The following NME7 variants were observed in gnomAD, a reference collection of about 807,000 sequenced individuals.
NME7 encodes nucleoside diphosphate kinase 7.
NME7 carries 41 observed loss-of-function variants against 49.1 expected under a neutral mutation model. The observed-to-expected ratio is 0.83, with a 90% CI of 0.65 to 1.08. The LOEUF (loss-of-function observed/expected upper bound fraction) is 1.08. NME7 is among the 50% of genes least tolerant of loss of function. The pLI, the probability that NME7 is intolerant of heterozygous loss-of-function variation, is 0.00. For missense variants in NME7, 423 were observed against 463.4 expected (o/e 0.91, Z 0.80); for synonymous variants, 139 against 150.6 (o/e 0.92, Z 0.56).
At chr1:169,332,866 T>C (rs1652310800) in intron 1 of NME7, among the ~76,000 whole-genome samples, 1 of 152,168 alleles carries the variant, frequency 6.6e-6, no homozygotes, top group African/African-American at 2.4e-5. Context: ...TTGTACACTG[T>C]TGTTAGGAAT....
chr1:169,250,772 T>G (rs901698263), intron 7 of NME7, among the ~76,000 whole-genome samples: 7 of 152,102 alleles, frequency 4.6e-5, no homozygotes, highest in Non-Finnish European at 8.8e-5. Context: ...TTCTATGTAT[T>G]TGTATAGTTT....
At position 169,268,237 on chromosome 1, in the gene NME7, G is replaced by T. The variant is rs148001455; in HGVS notation, c.754+19066C>A. 3.2e-3 allele frequency among the ~76,000 whole-genome samples: 430 copies of T among 133,870 alleles called. 46 individuals carry two copies. The highest frequency in any genetic ancestry group is 0.01 in the African/African-American group (412 of 39,624). The allele number at this position is 133,870 out of a possible 152,430, so 87.8% of individuals were successfully genotyped here. ...GAAATGCAAATCAAAACCACAGTGA[G>T]ATACCATCTCACACCAGTCAGAATG... On this transcript the variant is annotated intron_variant, in intron 7 of 11. Coordinates refer to ENST00000367811, the MANE Select transcript of NME7 (RefSeq NM_013330.5).
chr1:169,204,384 TTAAG>T (rs1660622500), intron 10 of NME7, among the ~76,000 whole-genome samples: 1 of 151,930 alleles, frequency 6.6e-6, no homozygotes, highest in African/African-American at 2.4e-5. Flanking sequence ...TTCATGTTTA[TTAAG>T]TAACAAAATT....
intron 7 of NME7, among the ~76,000 whole-genome samples, chr1:169,273,617 CT>C (rs1262242628): frequency 5.4e-5 from 7 of 130,660 alleles, no homozygotes; most frequent in Non-Finnish European, 1.3e-4. Context: ...CCCACTCCCC[CT>C]ACCCCACAAC....
chr1:169,356,643 C>T (rs1249774069), intron 1 of NME7, among the ~76,000 whole-genome samples: 1 of 152,102 alleles, frequency 6.6e-6, no homozygotes, highest in Non-Finnish European at 1.5e-5. Flanking sequence ...TCAAAACTCA[C>T]CCAAAGGGAC....
At chr1:169,330,627 C>T (rs950137277) in intron 1 of NME7, among the ~76,000 whole-genome samples, 5 of 151,792 alleles carry the variant, frequency 3.3e-5, no homozygotes, top group Non-Finnish European at 5.9e-5. Flanking sequence ...TGCAGGGAGC[C>T]GAGATCGCAC....
intron 3 of NME7, among the ~76,000 whole-genome samples, chr1:169,315,025 C>T (rs1287899628): frequency 3.3e-5 from 5 of 152,020 alleles, no homozygotes; most frequent in Non-Finnish European, 7.4e-5. Context: ...CACCTAGTAA[C>T]ATACCCTTAA....
chr1:169,359,271 T>C (rs1406226027), intron 1 of NME7, among the ~76,000 whole-genome samples: 1 of 152,100 alleles, frequency 6.6e-6, no homozygotes, highest in East Asian at 1.9e-4. Flanking sequence ...TTTTTTATCA[T>C]TGTATTGTTA....
chr1:169,334,014 A>G (rs1431992796), intron 1 of NME7, among the ~76,000 whole-genome samples: 1 of 152,212 alleles, frequency 6.6e-6, no homozygotes, highest in East Asian at 1.9e-4. Context: ...ACTTCACAAT[A>G]GGCAGCAAAA....
At chr1:169,314,262 AAAC>A (rs967606701) in intron 3 of NME7, among the ~76,000 whole-genome samples, 4 of 151,996 alleles carry the variant, frequency 2.6e-5, no homozygotes, top group African/African-American at 9.7e-5. Context: ...CATGGAAAAA[AAAC>A]AAAAAAAAAT....
chr1:169,231,724 G>C (rs1647628387), intron 9 of NME7, among the ~76,000 whole-genome samples: 1 of 151,408 alleles, frequency 6.6e-6, no homozygotes. Flanking sequence ...ATGATATATG[G>C]AGCATCAAGG....
intron 7 of NME7, among the ~76,000 whole-genome samples, chr1:169,274,294 T>A (rs1226650248): frequency 7.5e-6 from 1 of 133,122 alleles, no homozygotes; most frequent in Admixed American, 7.4e-5. Flanking sequence ...ATATTCTTTG[T>A]CCACTTTTTG....
In NME7 at chr1:169,310,211, G is replaced by T. The variant is rs1188067722; in HGVS notation, c.279-131C>A. 2.1e-5 allele frequency: 12 copies of T among 579,702 alleles called. 1 individual carries two copies. The East Asian group carries it at 3.8e-4, about 18-fold the overall frequency. 35.9% of individuals were successfully genotyped at this position (579,702 alleles called of 1,614,324 possible). On this transcript the variant is annotated intron_variant, in intron 3 of 11. Coordinates refer to ENST00000367811, the MANE Select transcript of NME7 (RefSeq NM_013330.5). Reference sequence around the variant, plus strand: ...TTTGAAATTAATTGTATAGAAAAGTGTATTAAAGACATCCCTTAAAAACTT... The same window carrying T: ...TTTGAAATTAATTGTATAGAAAAGTTTATTAAAGACATCCCTTAAAAACTT...
chr1:169,343,166 TA>T (rs1029741756), intron 1 of NME7, among the ~76,000 whole-genome samples: 5 of 151,394 alleles, frequency 3.3e-5, no homozygotes, highest in Non-Finnish European at 7.4e-5. Context: ...GTGTCATATC[TA>T]AGAAGGCTTT....
chr1:169,135,014 C>CAAAAAAAAAAAAAA (rs58463903), intron 11 of NME7, among the ~76,000 whole-genome samples: 21 of 50,390 alleles, frequency 4.2e-4, no homozygotes, highest in African/African-American at 9.5e-4. Flanking sequence ...CCCGTCTCTA[C>CAAAAAAAAAAAAAA]AAAAAAAAAA....
At chr1:169,249,339 C>T (rs1270497737) in intron 7 of NME7, among the ~76,000 whole-genome samples, 3 of 151,972 alleles carry the variant, frequency 2.0e-5, no homozygotes, top group Non-Finnish European at 4.4e-5. Context: ...ATTTTGTGAC[C>T]TGAGACTACG....
intron 1 of NME7, among the ~76,000 whole-genome samples, chr1:169,341,089 G>C (rs1383340141): frequency 6.6e-6 from 1 of 152,236 alleles, no homozygotes; most frequent in African/African-American, 2.4e-5. Context: ...TCCAGGCCGT[G>C]TCAGAGATCT....
chr1:169,363,153 C>T (rs1436327828), intron 1 of NME7, among the ~76,000 whole-genome samples: 5 of 151,922 alleles, frequency 3.3e-5, no homozygotes, highest in Non-Finnish European at 7.4e-5. Context: ...GCTGGAGGAT[C>T]ACTTGAACTT....
intron 7 of NME7, among the ~76,000 whole-genome samples, chr1:169,279,838 C>T (rs1198306837): frequency 6.6e-6 from 1 of 152,092 alleles, no homozygotes; most frequent in African/African-American, 2.4e-5. Flanking sequence ...TGGCTCCTCC[C>T]CACATTTTCT....
Sources: allele counts gnomAD v4.1 joint callset (sites outside exome capture counted in the v4.1 genomes callset), GRCh38; gene constraint gnomAD v4.1.1; transcripts MANE v1.5; gene names NCBI Gene and HGNC (gene_info 2026-07-23, HGNC 2026-07-21).